PCDHGA1: variants seen among roughly 807,000 people sequenced by gnomAD.
PCDHGA1 encodes protocadherin gamma-A1.
A neutral mutation model predicts 58.0 loss-of-function variants in PCDHGA1; 32 were observed. The ratio of observed to expected loss-of-function variants is 0.55; its 90% CI spans 0.42 to 0.74. The LOEUF is 0.74. Among genes scored for constraint, PCDHGA1 ranks in the 30% least tolerant of loss-of-function variants. The pLI is 0.00. For synonymous variants in PCDHGA1, 498 were observed against 501.1 expected, an observed-to-expected ratio of 0.99 and a Z score of 0.08; for missense variants, 1,205 against 1,182.3, an observed-to-expected ratio of 1.02 and a Z score of -0.28.
intron 1 of PCDHGA1, among the ~76,000 whole-genome samples, chr5:141,450,823 A>ATTT: frequency 7.5e-6 from 1 of 133,136 alleles, no homozygotes; most frequent in African/African-American, 2.9e-5. Flanking sequence ...TAATATTATT[A>ATTT]TTATTATTTT....
rs1228831823 is a variant in PCDHGA1, at chr5:141,487,778, T to C, written c.2422-7029T>C. ...GGTAGACGCTGTGCTTTGTAACTGT[T>C]TCGTGAATTAACCAGAGTTGTCACA... On this transcript the variant is annotated intron_variant, in intron 1 of 3. Coordinates refer to ENST00000517417, the MANE Select transcript of PCDHGA1 (RefSeq NM_018912.3). The surrounding 1 kb of genome is among the most constrained non-coding windows in gnomAD (Gnocchi z 5.0). The C allele has an allele frequency of 6.5e-7, 1 of 1,531,514 alleles. No individual in the cohort carries two copies. The highest frequency in any genetic ancestry group is 2.0e-5 in the Admixed American group (1 of 49,632). 94.9% of individuals were successfully genotyped at this position (1,531,514 alleles called of 1,614,324 possible).
chr5:141,378,325 C>A (rs1344220335), intron 1 of PCDHGA1: 3 of 152,200 alleles, frequency 2.0e-5, no homozygotes, highest in African/African-American at 7.2e-5. Flanking sequence ...GAGTTCGAGA[C>A]CAGCCTGACC....
At chr5:141,357,850 C>T (rs904874915) in intron 1 of PCDHGA1, 3 of 608,650 alleles carry the variant, frequency 4.9e-6, no homozygotes, top group Admixed American at 3.4e-5. Flanking sequence ...TAGTTTCAGC[C>T]AGAATTTTCT....
rs191953163 is a variant in PCDHGA1 at position 141,426,385 on chromosome 5, C to T, written c.2422-68422C>T. Reference sequence around the variant, plus strand: ...CTGCGGGGCACCCTCGGAGCAGATCCGCTACTCTATTCCAGAAGAAACGGT... The same window carrying T: ...CTGCGGGGCACCCTCGGAGCAGATCTGCTACTCTATTCCAGAAGAAACGGT... On this transcript the variant is annotated intron_variant, in intron 1 of 3. Transcript: ENST00000517417. 1.4e-3 allele frequency: 332 copies of T among 244,362 alleles called. 1 individual carries two copies. The highest frequency in any genetic ancestry group is 1.5e-3 in the Non-Finnish European group (188 of 121,940). 15.1% of individuals were successfully genotyped at this position (244,362 alleles called of 1,614,324 possible). A position where few individuals can be genotyped will look rare whatever the true frequency, so the allele number is the denominator to read the frequency against.
At chr5:141,413,664 T>G in intron 1 of PCDHGA1, 1 of 1,613,858 alleles carries the variant, frequency 6.2e-7, no homozygotes, top group Non-Finnish European at 8.5e-7. Flanking sequence ...AAGCTATTGA[T>G]CCGGATGTGG....
chr5:141,376,685 T>TTGTTTGTTTG (rs1554084826), intron 1 of PCDHGA1: 2 of 813,646 alleles, frequency 2.5e-6, no homozygotes, highest in African/African-American at 3.8e-5. Flanking sequence ...CGTTTTTTTT[T>TTGTTTGTTTG]TTTTTTTTTT....
chr5:141,410,760 A>C, intron 1 of PCDHGA1: 1 of 1,177,482 alleles, frequency 8.5e-7, no homozygotes. Context: ...ATGTTTTTTC[A>C]ATTATAGTTT....
intron 1 of PCDHGA1, among the ~76,000 whole-genome samples, chr5:141,386,242 G>A (rs1359369432): frequency 1.3e-5 from 2 of 152,146 alleles, no homozygotes; most frequent in Non-Finnish European, 2.9e-5. Flanking sequence ...AATTCAGTTG[G>A]AAATAACCCA....
At chr5:141,438,583 CATACATACATATATATATATATATATAT>C (rs1227221577) in intron 1 of PCDHGA1, among the ~76,000 whole-genome samples, 1 of 57,610 alleles carries the variant, frequency 1.7e-5, no homozygotes, top group African/African-American at 9.0e-5. Flanking sequence ...TACATACATA[CATACATACATATATATATATATATATAT>C]ATATATATAT....
chr5:141,389,924 T>A (rs749120978), intron 1 of PCDHGA1: 13 of 1,614,062 alleles, frequency 8.1e-6, no homozygotes, highest in Non-Finnish European at 1.0e-5. Flanking sequence ...CCGACCCCTC[T>A]GACCTCCAGG....
intron 1 of PCDHGA1, chr5:141,415,488 C>T: frequency 1.9e-6 from 3 of 1,614,220 alleles, no homozygotes; most frequent in Non-Finnish European, 2.5e-6. Context: ...GAAAGAGTCA[C>T]CTGATCTTCC....
At chr5:141,426,033 C>G (rs978171140) in intron 1 of PCDHGA1, among the ~76,000 whole-genome samples, 14 of 152,162 alleles carry the variant, frequency 9.2e-5, no homozygotes, top group African/African-American at 3.1e-4. Context: ...AGACTCAGAG[C>G]CCTGCTGTTG....
At position 141,431,392 on chromosome 5, in the gene PCDHGA1, C is replaced by T. The variant is rs572129534; in HGVS notation, c.2422-63415C>T. 3 of 1,613,888 alleles carry T rather than the reference C, an allele frequency of 1.9e-6. No homozygotes were observed. Among genetic ancestry groups the T allele is most frequent in the Non-Finnish European group, 2.5e-6 (3 of 1,180,048 alleles). On this transcript the variant is annotated intron_variant, in intron 1 of 3. Transcript: ENST00000517417. The surrounding 1 kb of genome is among the most constrained non-coding windows in gnomAD (Gnocchi z 4.8). ...AAGAAAAGGCTGCTCACCACCTGGT[C>T]CTTACGGCCTCCGACGGGGGCGACC... is the stretch of plus-strand genomic sequence containing the variant.
intron 1 of PCDHGA1, chr5:141,344,277 G>C: frequency 6.2e-7 from 1 of 1,614,092 alleles, no homozygotes; most frequent in South Asian, 1.1e-5. Context: ...TCCGCAAAGC[G>C]GCAGCTTGGT....
intron 1 of PCDHGA1, among the ~76,000 whole-genome samples, chr5:141,455,138 T>C (rs1393664563): frequency 6.6e-6 from 1 of 151,028 alleles, no homozygotes; most frequent in Non-Finnish European, 1.5e-5. Context: ...TTACACTGTG[T>C]TAAATAAATA....
rs148240637 is a variant in PCDHGA1, at chr5:141,383,750, T to A, written c.2421+50645T>A. On this transcript the variant is annotated intron_variant, in intron 1 of 3. Transcript: ENST00000517417. ...GAAGTGACATATTCTTTTCGGAAAA[T>A]AACTCCTAAACTTCCAAAGATGTTT... 1.9e-3 allele frequency: 3,008 copies of A among 1,613,910 alleles called. 48 individuals are homozygous for A. In the African/African-American group the frequency reaches 0.033, roughly 18 times the overall value.
At chr5:141,421,965 C>A in intron 1 of PCDHGA1, 1 of 1,610,360 alleles carries the variant, frequency 6.2e-7, no homozygotes, top group Non-Finnish European at 8.5e-7. Context: ...TTACACAGTC[C>A]GTATATCGCG....
At chr5:141,428,882 T>C in intron 1 of PCDHGA1, 1 of 151,216 alleles carries the variant, frequency 6.6e-6, no homozygotes, top group African/African-American at 2.4e-5. Context: ...TTGGACGGAG[T>C]CTCGCTCTGT....
chr5:141,492,558 G>A (rs879634396), intron 1 of PCDHGA1, among the ~76,000 whole-genome samples: 1 of 152,236 alleles, frequency 6.6e-6, no homozygotes, highest in South Asian at 2.1e-4. Context: ...CGCCTGGGGG[G>A]CGGCCTGAGC....
Sources: allele counts gnomAD v4.1 joint callset (sites outside exome capture counted in the v4.1 genomes callset), GRCh38; gene constraint gnomAD v4.1.1; non-coding constraint Gnocchi (gnomAD v3.1); transcripts MANE v1.5; gene names NCBI Gene and HGNC (gene_info 2026-07-23, HGNC 2026-07-21).